CDH18: variants seen among roughly 807,000 people sequenced by gnomAD.
CDH18 encodes cadherin 18.
CDH18 carries 31 observed loss-of-function variants against 67.9 expected under a neutral mutation model. The ratio of observed to expected loss-of-function variants is 0.46; its 90% CI spans 0.34 to 0.62. The LOEUF (loss-of-function observed/expected upper bound fraction) is 0.62, where lower values mean the gene tolerates loss of function less well. Ranked by LOEUF, CDH18 falls within the 20% of genes least tolerant of loss-of-function variation. The probability of loss-of-function intolerance (pLI) is 0.01; values close to 1 mark genes in which losing one functional copy is unlikely to be tolerated. For missense variants in CDH18, 890 were observed against 975.5 expected, an observed-to-expected ratio of 0.91 and a Z score of 1.17; for synonymous variants, 362 against 347.2, an observed-to-expected ratio of 1.04 and a Z score of -0.48.
chr5:20,435,610 A>G (rs1749108582), intron 1 of CDH18, among the ~76,000 whole-genome samples: 1 of 151,984 alleles, frequency 6.6e-6, no homozygotes, highest in African/African-American at 2.4e-5. Context: ...GGATGTTTCA[A>G]TTTGGAAAAT....
At chr5:19,661,175 T>C (rs1757119078) in intron 5 of CDH18, among the ~76,000 whole-genome samples, 1 of 152,092 alleles carries the variant, frequency 6.6e-6, no homozygotes, top group Non-Finnish European at 1.5e-5. Flanking sequence ...TTAGCACTTA[T>C]TTTCTGATCC....
Position 20,363,111 on chromosome 5 carries a change from T to C in CDH18, c.-579-107606A>G, listed in dbSNP as rs567808920. Among the ~76,000 whole-genome samples, 52 of 152,310 alleles carry C rather than the reference T, an allele frequency of 3.4e-4. 1 individual carries two copies. In the South Asian group the frequency reaches 0.01, roughly 30 times the overall value. ...CCTGGATTGTGTCCATTGATATCTATGTCAACAAATTCAACTGGTCTCAGT... is the reference window on the plus strand; with the variant it reads ...CCTGGATTGTGTCCATTGATATCTACGTCAACAAATTCAACTGGTCTCAGT... On this transcript the variant is annotated intron_variant, in intron 1 of 14. Transcript: ENST00000507958.
At chr5:19,692,005 A>G (rs897029812) in intron 5 of CDH18, among the ~76,000 whole-genome samples, 2 of 152,044 alleles carry the variant, frequency 1.3e-5, no homozygotes, top group Non-Finnish European at 2.9e-5. Flanking sequence ...AGTAACCAAA[A>G]TAACAAGGTA....
intron 1 of CDH18, among the ~76,000 whole-genome samples, chr5:20,483,695 A>G (rs1300700499): frequency 6.6e-6 from 1 of 151,982 alleles, no homozygotes; most frequent in Non-Finnish European, 1.5e-5. Context: ...ACACACATCA[A>G]TAAATGGTGC....
intron 1 of CDH18, among the ~76,000 whole-genome samples, chr5:20,399,007 A>G (rs1392652817): frequency 1.3e-5 from 2 of 152,252 alleles, no homozygotes; most frequent in African/African-American, 4.8e-5. Flanking sequence ...ATACCCATGT[A>G]ACAAACCTGC....
intron 2 of CDH18, among the ~76,000 whole-genome samples, chr5:20,025,236 G>GT (rs1340922919): frequency 3.3e-5 from 5 of 152,090 alleles, no homozygotes; most frequent in Non-Finnish European, 7.4e-5. Flanking sequence ...TTAGTACACT[G>GT]TAAGTATTCA....
At chr5:19,974,619 G>C (rs1313862166) in intron 2 of CDH18, among the ~76,000 whole-genome samples, 2 of 151,784 alleles carry the variant, frequency 1.3e-5, no homozygotes, top group African/African-American at 4.8e-5. Context: ...CAATTAAAGA[G>C]AGAAGTCAGG....
intron 4 of CDH18, 105 bp from the exon 5 acceptor site, chr5:19,721,571 G>T: frequency 1.1e-6 from 1 of 884,126 alleles, no homozygotes; most frequent in Non-Finnish European, 1.7e-6. Context: ...GATCAGTACT[G>T]GTTGTGTCCT....
chr5:20,370,040 A>G (rs753203955), intron 1 of CDH18, among the ~76,000 whole-genome samples: 3 of 152,146 alleles, frequency 2.0e-5, no homozygotes, highest in Non-Finnish European at 2.9e-5. Flanking sequence ...TTTTATTAAT[A>G]TCTTTTATTT....
chr5:19,924,167 G>C (rs1792825733), intron 2 of CDH18, among the ~76,000 whole-genome samples: 1 of 40,060 alleles, frequency 2.5e-5, no homozygotes, highest in Non-Finnish European at 1.1e-4. Flanking sequence ...CAGTTGAAAA[G>C]GGCAACAATC....
intron 5 of CDH18, among the ~76,000 whole-genome samples, chr5:19,662,901 T>C (rs1757382262): frequency 1.3e-5 from 2 of 152,020 alleles, no homozygotes; most frequent in South Asian, 2.1e-4. Context: ...TAAGCTGTTA[T>C]AATTTAAGAA....
chr5:20,253,066 A>G (rs1743981556), intron 2 of CDH18, among the ~76,000 whole-genome samples: 1 of 152,182 alleles, frequency 6.6e-6, no homozygotes, highest in African/African-American at 2.4e-5. Flanking sequence ...CAACCATCTC[A>G]TGCAGCGGGG....
intron 5 of CDH18, among the ~76,000 whole-genome samples, chr5:19,650,267 A>C (rs1342861899): frequency 7.1e-6 from 1 of 140,266 alleles, no homozygotes; most frequent in Non-Finnish European, 1.6e-5. Context: ...CTTTCCCAAA[A>C]CATTGGGCTT....
intron 2 of CDH18, among the ~76,000 whole-genome samples, chr5:20,138,270 C>G (rs1749917872): frequency 6.6e-6 from 1 of 152,138 alleles, no homozygotes; most frequent in South Asian, 2.1e-4. Context: ...AACAGCCCTT[C>G]ATGCTAAAAA....
chr5:20,565,128 T>C (rs1211206285), intron 1 of CDH18, among the ~76,000 whole-genome samples: 1 of 152,202 alleles, frequency 6.6e-6, no homozygotes, highest in Admixed American at 6.5e-5. Flanking sequence ...GTATCCCCGA[T>C]GCAGAATAGC....
At chr5:19,558,181 C>A (rs565125193) in intron 8 of CDH18, among the ~76,000 whole-genome samples, 1 of 151,894 alleles carries the variant, frequency 6.6e-6, no homozygotes, top group Non-Finnish European at 1.5e-5. Flanking sequence ...TAAATGCCTA[C>A]ATCAAAAAGT....
chr5:19,852,676 G>A (rs1783840459), intron 2 of CDH18, among the ~76,000 whole-genome samples: 1 of 152,018 alleles, frequency 6.6e-6, no homozygotes, highest in African/African-American at 2.4e-5. Flanking sequence ...TAGGGAGGCT[G>A]CAAATATTCC....
intron 2 of CDH18, among the ~76,000 whole-genome samples, chr5:20,238,375 G>C (rs1350193586): frequency 2.0e-5 from 3 of 152,070 alleles, no homozygotes; most frequent in Non-Finnish European, 4.4e-5. Context: ...AGAAATCTCA[G>C]CTTCATAAGG....
intron 2 of CDH18, among the ~76,000 whole-genome samples, chr5:20,234,395 G>C (rs1341605146): frequency 6.6e-6 from 1 of 151,808 alleles, no homozygotes; most frequent in African/African-American, 2.4e-5. Flanking sequence ...ATCTCTAAAC[G>C]ATGCATTTTT....
Sources: allele counts gnomAD v4.1 joint callset (sites outside exome capture counted in the v4.1 genomes callset), GRCh38; gene constraint gnomAD v4.1.1; transcripts MANE v1.5; gene names NCBI Gene and HGNC (gene_info 2026-07-23, HGNC 2026-07-21).